Variants in MARK2 observed in about 807,000 individuals in gnomAD.
MARK2 encodes microtubule affinity regulating kinase 2.
In MARK2, 16 loss-of-function variants were observed where a neutral mutation model predicts 89.8. The ratio of observed to expected loss-of-function variants is 0.18; its 90% CI spans 0.12 to 0.27. The LOEUF (loss-of-function observed/expected upper bound fraction) is 0.27. Ranked by LOEUF, MARK2 falls within the 10% of genes least tolerant of loss-of-function variation. MARK2 has a pLI of 1.00. For missense variants in MARK2, 621 were observed against 1,049.9 expected (o/e 0.59, Z 5.65); for synonymous variants, 382 against 399.5 (o/e 0.96, Z 0.52).
chr11:63,866,560 G>C (rs1439245801), intron 1 of MARK2, among the ~76,000 whole-genome samples: 1 of 152,118 alleles, frequency 6.6e-6, no homozygotes, highest in East Asian at 1.9e-4. Context: ...ATGTTTAGGT[G>C]CTGAACTCCC....
chr11:63,892,064 G>A (rs1939899175), intron 1 of MARK2, among the ~76,000 whole-genome samples: 1 of 152,254 alleles, frequency 6.6e-6, no homozygotes, highest in Non-Finnish European at 1.5e-5. Flanking sequence ...GGTGCGTGGA[G>A]AACAGAGCAC....
At chr11:63,901,367 A>G (rs536142096) in intron 11 of MARK2, among the ~76,000 whole-genome samples, 1 of 149,638 alleles carries the variant, frequency 6.7e-6, no homozygotes, top group Admixed American at 6.7e-5. Context: ...TAGCACTACT[A>G]CATTGATCTA....
chr11:63,852,777 T>G (rs529520984), intron 1 of MARK2, among the ~76,000 whole-genome samples: 1 of 152,150 alleles, frequency 6.6e-6, no homozygotes, highest in Non-Finnish European at 1.5e-5. Context: ...GACAGAACAT[T>G]TTCATGTAGT....
chr11:63,852,311 T>C (rs1242672563), intron 1 of MARK2, among the ~76,000 whole-genome samples: 5 of 152,200 alleles, frequency 3.3e-5, no homozygotes, highest in African/African-American at 1.2e-4. Context: ...TATCATCTTT[T>C]TGTACACTTC....
chr11:63,864,023 G>A (rs932929144), intron 1 of MARK2, among the ~76,000 whole-genome samples: 2 of 151,788 alleles, frequency 1.3e-5, no homozygotes, highest in South Asian at 2.1e-4. Context: ...GCGCGATCTC[G>A]GTTTGCTGCA....
At chr11:63,839,699 C>T in intron 1 of MARK2, 139 bp downstream of exon 1, 3 of 641,260 alleles carry the variant, frequency 4.7e-6, no homozygotes, top group East Asian at 3.2e-5. Context: ...CTCCTGGCTC[C>T]GGCTCCGCAC....
intron 1 of MARK2, among the ~76,000 whole-genome samples, chr11:63,859,288 T>TTGTAC (rs1286187619): frequency 2.6e-5 from 4 of 152,192 alleles, no homozygotes; most frequent in South Asian, 4.1e-4. Context: ...TCTTTTCCTT[T>TTGTAC]TGTACTTGAC....
At chr11:63,873,592 G>C (rs974444170) in intron 1 of MARK2, among the ~76,000 whole-genome samples, 1 of 152,196 alleles carries the variant, frequency 6.6e-6, no homozygotes, top group Non-Finnish European at 1.5e-5. Flanking sequence ...GAGAGCCTGA[G>C]GCAGAGACCA....
chr11:63,869,349 C>G (rs1183117594), intron 1 of MARK2: 2 of 165,880 alleles, frequency 1.2e-5, no homozygotes, highest in Non-Finnish European at 2.6e-5. Context: ...GCAGACTCGC[C>G]GAGCTGAGAG....
At chr11:63,863,118 CTG>C (rs1590999303) in intron 1 of MARK2, among the ~76,000 whole-genome samples, 1 of 152,182 alleles carries the variant, frequency 6.6e-6, no homozygotes, top group Non-Finnish European at 1.5e-5. Context: ...GGACATCCTG[CTG>C]TGTGTCTCTT....
chr11:63,881,149 A>T (rs1939064631), intron 1 of MARK2, among the ~76,000 whole-genome samples: 1 of 151,992 alleles, frequency 6.6e-6, no homozygotes, highest in South Asian at 2.1e-4. Flanking sequence ...TAAAAAAAAA[A>T]AACAAATTAG....
chr11:63,869,765 G>A (rs1157055621), intron 1 of MARK2, among the ~76,000 whole-genome samples: 2 of 152,180 alleles, frequency 1.3e-5, no homozygotes, highest in African/African-American at 2.4e-5. Context: ...TACTTCCGGA[G>A]CCAGACTTTT....
intron 3 of MARK2, among the ~76,000 whole-genome samples, chr11:63,896,742 G>A (rs548164279): frequency 6.4e-4 from 98 of 152,178 alleles, no homozygotes; most frequent in African/African-American, 2.2e-3. Flanking sequence ...TCATCATCAG[G>A]GTGTCTCTGC....
chr11:63,906,582 G>A (rs1324978345), intron 17 of MARK2, among the ~76,000 whole-genome samples: 2 of 150,064 alleles, frequency 1.3e-5, no homozygotes, highest in Non-Finnish European at 3.0e-5. Context: ...GGAAGCTCCA[G>A]GGTTACAAGT....
At position 63,895,186 on chromosome 11, in the gene MARK2, C is replaced by T. The variant is rs780529224; in HGVS notation, c.82C>T (p.Pro28Ser). 2.5e-6 allele frequency: 4 copies of T among 1,613,726 alleles called. No homozygotes were observed. Among genetic ancestry groups the T allele is most frequent in the African/African-American group, 1.3e-5 (1 of 74,920 alleles). Residue 28 changes from proline to serine, a missense_variant, in exon 2 of 19, where the codon CCC (proline) becomes TCC (serine). Pro to Ser is a moderately conservative substitution (Grantham distance 74, BLOSUM62 -1). Transcript: ENST00000402010. The part of the protein sequence containing the change: ...QPTLGHLDSK[P>S]SSKSNMIRGR... Reference sequence around the variant, plus strand: ...CACCTTGGGACACCTTGACTCCAAGCCCAGCAGTAAGTCCAACATGATTCG... The same window carrying T: ...CACCTTGGGACACCTTGACTCCAAGTCCAGCAGTAAGTCCAACATGATTCG...
intron 1 of MARK2, among the ~76,000 whole-genome samples, chr11:63,847,102 A>G (rs1425891958): frequency 3.3e-5 from 5 of 152,188 alleles, no homozygotes; most frequent in Non-Finnish European, 7.3e-5. Context: ...CAGCCTGGGC[A>G]ACAGAGTGAG....
intron 16 of MARK2, 149 bp from the exon 17 acceptor site, chr11:63,905,939 A>C: frequency 2.0e-6 from 1 of 507,214 alleles, no homozygotes; most frequent in Non-Finnish European, 3.1e-6. Flanking sequence ...AAAGCCTGGG[A>C]CTCTAGTCTC....
At position 63,900,929 on chromosome 11, in the gene MARK2, A is replaced by C. The variant is rs945330192; in HGVS notation, c.989-28A>C. On this transcript the variant is annotated intron_variant, in intron 10 of 18. Coordinates refer to ENST00000402010, the MANE Select transcript of MARK2 (RefSeq NM_001039469.3). This position sits in a 1 kb window ranked among gnomAD's most constrained non-coding sequence, Gnocchi z 4.7. The stretch of plus-strand genomic sequence containing the variant: ...TTAAGCTTGCCTAGGAGTTGAGGCC[A>C]GTCTTAACTGTATGTCCCCCTGTGC... 9 of 1,609,164 alleles carry C rather than the reference A, an allele frequency of 5.6e-6. No individual in the cohort carries two copies. The highest frequency in any genetic ancestry group is 7.7e-6 in the Non-Finnish European group (9 of 1,175,482).
chr11:63,896,343 G>A (rs1296497371), intron 3 of MARK2, among the ~76,000 whole-genome samples: 1 of 152,242 alleles, frequency 6.6e-6, no homozygotes, highest in Non-Finnish European at 1.5e-5. Flanking sequence ...ATGATACAGG[G>A]GAGTGGCTTT....
Sources: gnomAD v4.1 joint callset for allele counts (sites outside exome capture counted in the v4.1 genomes callset) on GRCh38, gnomAD v4.1.1 for gene constraint, Gnocchi (gnomAD v3.1) non-coding constraint, MANE v1.5 for transcripts, NCBI Gene and HGNC (gene_info 2026-07-23, HGNC 2026-07-21) for gene names.